Variants in FBXO4 observed in about 807,000 individuals in gnomAD.
FBXO4 encodes the protein F-box only protein 4.
In FBXO4, 36 loss-of-function variants were observed where a neutral mutation model predicts 43.7. That is an observed-to-expected ratio of 0.82 (90% CI 0.63 to 1.09). The LOEUF (loss-of-function observed/expected upper bound fraction) is 1.09, where lower values mean the gene tolerates loss of function less well. FBXO4 is among the 50% of genes least tolerant of loss of function. FBXO4 has a pLI of 0.00. For missense variants in FBXO4, 435 were observed against 474.1 expected, an observed-to-expected ratio of 0.92 and a Z score of 0.77; for synonymous variants, 180 against 165.6, an observed-to-expected ratio of 1.09 and a Z score of -0.67.
Position 41,927,164 on chromosome 5 carries a change from A to G in FBXO4, c.341A>G (p.Asp114Gly), listed in dbSNP as rs1408452140. 1.2e-6 allele frequency: 2 copies of G among 1,613,782 alleles called. No homozygotes were observed. The highest frequency in any genetic ancestry group is 1.1e-5 in the South Asian group (1 of 91,060). Residue 114 changes from aspartate to glycine, a missense_variant, in exon 2 of 7, where the codon GAC becomes GGC. Physicochemically the swap from Asp to Gly is moderately conservative, Grantham distance 94. Coordinates refer to ENST00000281623, the MANE Select transcript of FBXO4 (RefSeq NM_012176.3). ...LRDLPSWSSV[D>G]WKSLPDLEIL... ...GATCTTCCTTCTTGGTCTTCTGTTG[A>G]CTGGAAGTCTCTTCCAGATCTAGAA...
the FBXO4 span, among the ~76,000 whole-genome samples, chr5:41,986,500 C>A: frequency 2.6e-5 from 4 of 152,146 alleles, no homozygotes; most frequent in Non-Finnish European, 5.9e-5. Flanking sequence ...TATTCACTTT[C>A]TTCCATTCTG....
the FBXO4 span, among the ~76,000 whole-genome samples, chr5:42,004,760 T>C: frequency 1.3e-5 from 2 of 152,190 alleles, no homozygotes; most frequent in African/African-American, 2.4e-5. Flanking sequence ...ACAAGAAGTT[T>C]CTACGCTTCA....
the FBXO4 span, among the ~76,000 whole-genome samples, chr5:42,028,295 T>A: frequency 6.6e-6 from 1 of 151,912 alleles, no homozygotes; most frequent in South Asian, 2.1e-4. Flanking sequence ...TTTCTTCTTA[T>A]TGTTTTTGTC....
intron 5 of FBXO4, 146 bp downstream of exon 5, chr5:41,934,454 T>C: frequency 6.8e-7 from 1 of 1,474,750 alleles, no homozygotes; most frequent in Non-Finnish European, 9.0e-7. Context: ...TAATAGTGTG[T>C]TCTCACACTT....
chr5:41,947,692 A>G, the FBXO4 span, among the ~76,000 whole-genome samples: 1 of 152,194 alleles, frequency 6.6e-6, no homozygotes, highest in Non-Finnish European at 1.5e-5. Flanking sequence ...CTAAGCTGCC[A>G]CTTCTGTAAG....
the FBXO4 span, among the ~76,000 whole-genome samples, chr5:41,987,164 G>A: frequency 6.6e-6 from 1 of 152,032 alleles, no homozygotes; most frequent in Non-Finnish European, 1.5e-5. Context: ...TTAACAAGAG[G>A]CAATTAGACT....
chr5:41,969,017 CA>C, the FBXO4 span, among the ~76,000 whole-genome samples: 1 of 152,158 alleles, frequency 6.6e-6, no homozygotes, highest in Non-Finnish European at 1.5e-5. Context: ...TCCAATCCAA[CA>C]AATGTATTGT....
chr5:41,951,031 G>A, the FBXO4 span, among the ~76,000 whole-genome samples: 2 of 152,122 alleles, frequency 1.3e-5, no homozygotes, highest in Non-Finnish European at 2.9e-5. Flanking sequence ...ATGGACACAG[G>A]GAGGTGAACA....
the FBXO4 span, among the ~76,000 whole-genome samples, chr5:41,965,912 A>G: frequency 1.3e-5 from 2 of 152,264 alleles, no homozygotes; most frequent in Non-Finnish European, 2.9e-5. Flanking sequence ...ATGTCCAACC[A>G]TGATAGTCTG....
the FBXO4 span, among the ~76,000 whole-genome samples, chr5:41,980,730 A>G: frequency 6.6e-6 from 1 of 152,040 alleles, no homozygotes; most frequent in East Asian, 1.9e-4. Flanking sequence ...TAGCATCTTA[A>G]ATATATGAGA....
the FBXO4 span, chr5:41,967,788 A>C: frequency 4.9e-6 from 3 of 613,192 alleles, no homozygotes; most frequent in South Asian, 1.4e-5. Context: ...GCTCTGGAAG[A>C]GGCAGGTGGA....
At chr5:41,991,587 C>T in the FBXO4 span, among the ~76,000 whole-genome samples, 1 of 152,152 alleles carries the variant, frequency 6.6e-6, no homozygotes, top group African/African-American at 2.4e-5. Context: ...CAATGCTGCT[C>T]AATAATTCTG....
At chr5:41,959,330 C>T in the FBXO4 span, among the ~76,000 whole-genome samples, 1 of 152,044 alleles carries the variant, frequency 6.6e-6, no homozygotes, top group Non-Finnish European at 1.5e-5. Flanking sequence ...TATTTTCTCC[C>T]ATCCCATATG....
the FBXO4 span, among the ~76,000 whole-genome samples, chr5:41,960,743 T>C: frequency 6.6e-6 from 1 of 152,314 alleles, no homozygotes; most frequent in South Asian, 2.1e-4. Context: ...CCAGAATTTC[T>C]GTTTGTTTTT....
At chr5:41,935,223 A>G in intron 5 of FBXO4, 3 of 828,352 alleles carry the variant, frequency 3.6e-6, no homozygotes. Flanking sequence ...CACACAAAAA[A>G]TAAATTAAAA....
At chr5:41,989,311 A>G in the FBXO4 span, among the ~76,000 whole-genome samples, 1 of 152,206 alleles carries the variant, frequency 6.6e-6, no homozygotes, top group Non-Finnish European at 1.5e-5. Context: ...AAACATATAT[A>G]TATAATTAAT....
the FBXO4 span, among the ~76,000 whole-genome samples, chr5:42,017,174 AT>A: frequency 6.6e-6 from 1 of 152,114 alleles, no homozygotes; most frequent in Non-Finnish European, 1.5e-5. Flanking sequence ...CTAAGAATAA[AT>A]AAATAGTAAC....
the FBXO4 span, among the ~76,000 whole-genome samples, chr5:41,971,505 A>G: frequency 1.3e-5 from 2 of 151,990 alleles, no homozygotes; most frequent in Admixed American, 1.3e-4. Context: ...TTTTGGCCTA[A>G]TAATAATTCT....
chr5:41,998,973 T>A, the FBXO4 span, among the ~76,000 whole-genome samples: 3 of 151,928 alleles, frequency 2.0e-5, no homozygotes, highest in Non-Finnish European at 4.4e-5. Flanking sequence ...TCCACTGAAC[T>A]TAGGAGCAGC....
Sources: allele counts gnomAD v4.1 joint callset (sites outside exome capture counted in the v4.1 genomes callset), GRCh38; gene constraint gnomAD v4.1.1; transcripts MANE v1.5; gene names NCBI Gene and HGNC (gene_info 2026-07-23, HGNC 2026-07-21).